ADRA1A: variants seen among roughly 807,000 people sequenced by gnomAD.
The protein encoded by ADRA1A is alpha-1A adrenergic receptor.
ADRA1A carries 31 observed loss-of-function variants against 29.6 expected under a neutral mutation model. The observed-to-expected ratio is 1.05, with a 90% CI of 0.79 to 1.41. ADRA1A has a LOEUF of 1.41. Ranked by LOEUF, ADRA1A falls within the 40% of genes most tolerant of loss-of-function variation. The pLI is 0.00. For missense variants in ADRA1A, 619 were observed against 601.1 expected, an observed-to-expected ratio of 1.03 and a Z score of -0.31; for synonymous variants, 311 against 254.3, an observed-to-expected ratio of 1.22 and a Z score of -2.12.
At chr8:26,755,199 T>G (rs1805102273), downstream of ADRA1A, among the ~76,000 whole-genome samples, 1 of 151,910 alleles carries the variant, frequency 6.6e-6, no homozygotes. Flanking sequence ...ACCTCCTTTT[T>G]TTTTTTTTCT....
chr8:26,840,008 T>C (rs1811701349), intron 2 of ADRA1A, among the ~76,000 whole-genome samples: 1 of 152,258 alleles, frequency 6.6e-6, no homozygotes, highest in Non-Finnish European at 1.5e-5. Context: ...AATTTCCATC[T>C]GGAATTCTGG....
rs757247820 is a variant in ADRA1A at position 26,867,137 on chromosome 8, T to C, written c.-888A>G. 2.1e-5 allele frequency: 21 copies of C among 985,272 alleles called. No individual in the cohort carries two copies. In the South Asian group the frequency reaches 4.2e-4, roughly 20 times the overall value. 61.0% of individuals were successfully genotyped at this position (985,272 alleles called of 1,614,324 possible). A position where few individuals can be genotyped will look rare whatever the true frequency, so the allele number is the denominator to read the frequency against. ...GCTCCTGAACCGCTGTCACTTTACCTGCATTTTTTAAAAAGAGTCAAAATA... is the reference window on the plus strand; with the variant it reads ...GCTCCTGAACCGCTGTCACTTTACCCGCATTTTTTAAAAAGAGTCAAAATA... On this transcript the variant is annotated 5_prime_UTR_variant, in exon 1 of 3. Coordinates refer to ENST00000380573, the MANE Select transcript of ADRA1A (RefSeq NM_000680.4).
Position 26,841,288 on chromosome 8 carries a change from C to T in ADRA1A, c.883+22799G>A, listed in dbSNP as rs745404063. Among the ~76,000 whole-genome samples, 2 of 152,122 alleles carry T rather than the reference C, an allele frequency of 1.3e-5. No individual in the cohort carries two copies. Among genetic ancestry groups the T allele is most frequent in the African/African-American group, 2.4e-5 (1 of 41,408 alleles). The stretch of plus-strand genomic sequence containing the variant: ...CGCTGACAGGTTGGCTTCAAGTGAC[C>T]GTTCCAATCTCAGAGGACCACAGTC... On this transcript the variant is annotated intron_variant, in intron 2 of 2. Coordinates refer to ENST00000380573, the MANE Select transcript of ADRA1A (RefSeq NM_000680.4). This position sits in a 1 kb window ranked among gnomAD's most constrained non-coding sequence, Gnocchi z 4.4.
intron 2 of ADRA1A, among the ~76,000 whole-genome samples, chr8:26,857,136 C>A (rs921851376): frequency 5.3e-5 from 8 of 152,118 alleles, no homozygotes; most frequent in African/African-American, 1.9e-4. Context: ...TCTTCAAAGG[C>A]CTCACAGTTT....
In ADRA1A at chr8:26,756,753, C is replaced by T. The variant is rs193252329; in HGVS notation, c.*6G>A. ...AAGGACAACAGTCGTGGACGGGAAG[C>T]TGGCTTCATGTCATGGGTGTGTGTC... is the stretch of plus-strand genomic sequence containing the variant. On this transcript the variant is annotated 3_prime_UTR_variant, in exon 3 of 3. Transcript: ENST00000380582. 3.1e-6 allele frequency: 5 copies of T among 1,614,168 alleles called. No individual in the cohort carries two copies. In the South Asian group the frequency reaches 5.5e-5, roughly 18 times the overall value.
rs1230650434 is a variant in ADRA1A at position 26,823,655 on chromosome 8, C to T, written c.883+40432G>A. ...AAGTGGCACCAGGAAGCCCACCTTC[C>T]TTTTTCCTATAAGACAGAGGATCAG... On this transcript the variant is annotated intron_variant, in intron 2 of 2. Transcript: ENST00000380573. The surrounding 1 kb of genome is among the most constrained non-coding windows in gnomAD (Gnocchi z 4.2). Among the ~76,000 whole-genome samples, 1 of 152,108 alleles carries T rather than the reference C, an allele frequency of 6.6e-6. No homozygotes were observed. The highest frequency in any genetic ancestry group is 2.4e-5 in the African/African-American group (1 of 41,416).
At chr8:26,803,504 C>T (rs73231555) in intron 2 of ADRA1A, among the ~76,000 whole-genome samples, 24,656 of 151,982 alleles carry the variant, frequency 0.16, 2,361 homozygotes, top group East Asian at 0.47. Context: ...CGAAAAATAC[C>T]TTTGTGATCC....
At chr8:26,757,974 A>G (rs767448396) in intron 2 of ADRA1A, among the ~76,000 whole-genome samples, 2 of 152,218 alleles carry the variant, frequency 1.3e-5, no homozygotes, top group African/African-American at 4.8e-5. Flanking sequence ...TAAGTAGCCA[A>G]TGTGAGGAAG....
chr8:26,829,163 C>T (rs1188669458), intron 2 of ADRA1A, among the ~76,000 whole-genome samples: 1 of 152,132 alleles, frequency 6.6e-6, no homozygotes, highest in Non-Finnish European at 1.5e-5. Flanking sequence ...GGCACTGAAC[C>T]TCCACTCACA....
intron 2 of ADRA1A, among the ~76,000 whole-genome samples, chr8:26,826,251 T>G (rs1237577869): frequency 2.6e-5 from 4 of 152,180 alleles, no homozygotes; most frequent in African/African-American, 9.6e-5. Flanking sequence ...TTCCAGTGGA[T>G]AGTTGGGTGT....
downstream of ADRA1A, chr8:26,766,180 G>C (rs1805772022): frequency 7.1e-7 from 1 of 1,400,700 alleles, no homozygotes; most frequent in South Asian, 1.2e-5. Flanking sequence ...TTGGAATACA[G>C]GTGAGTGAGA....
chr8:26,782,049 C>G (rs1807026236), intron 2 of ADRA1A, among the ~76,000 whole-genome samples: 1 of 152,242 alleles, frequency 6.6e-6, no homozygotes, highest in Non-Finnish European at 1.5e-5. Context: ...CACTGGCTCA[C>G]CCAGAGGCAT....
rs3808585 is a variant in ADRA1A, at chr8:26,866,809, C to T, written c.-687+127G>A. The T allele has an allele frequency of 0.29, 269,742 of 921,656 alleles. 40,430 individuals carry two copies. Among genetic ancestry groups the T allele is most frequent in the South Asian group, 0.5 (10,150 of 20,106 alleles). The allele number at this position is 921,656 out of a possible 1,614,324, so 57.1% of individuals were successfully genotyped here. ...GGGAATCGGGGGTGGGGTAGAGGGG[C>T]CGGTATAAAACCTGGTGGAAAAAGC... On this transcript the variant is annotated intron_variant, in intron 1 of 2. Coordinates refer to ENST00000380573, the MANE Select transcript of ADRA1A (RefSeq NM_000680.4). This position sits in a 1 kb window ranked among gnomAD's most constrained non-coding sequence, Gnocchi z 5.7.
At position 26,831,852 on chromosome 8, in the gene ADRA1A, C is replaced by T. The variant is rs1810996939; in HGVS notation, c.883+32235G>A. Among the ~76,000 whole-genome samples, 1 of 152,226 alleles carries T rather than the reference C, an allele frequency of 6.6e-6. No individual in the cohort carries two copies. Among genetic ancestry groups the T allele is most frequent in the Non-Finnish European group, 1.5e-5 (1 of 68,040 alleles). The stretch of plus-strand genomic sequence containing the variant: ...CTCTGGGGCTGTCAGCAGCCACCGC[C>T]CCTGCGCTGTGGGCTCCCTGCCCTG... On this transcript the variant is annotated intron_variant, in intron 2 of 2. Coordinates refer to ENST00000380573, the MANE Select transcript of ADRA1A (RefSeq NM_000680.4). The surrounding 1 kb of genome is among the most constrained non-coding windows in gnomAD (Gnocchi z 5.2).
rs2130271908 is a variant in ADRA1A at position 26,770,237 on chromosome 8, G to A, written c.1313C>T (p.Pro438Leu). 2 of 1,612,092 alleles carry A rather than the reference G, an allele frequency of 1.2e-6. No individual in the cohort carries two copies. The highest frequency in any genetic ancestry group is 2.2e-5 in the South Asian group (2 of 90,866). The change falls in exon 3 of 3, where the codon CCC becomes CTC. Residue 438 changes from proline (P) to leucine (L), a missense_variant. Physicochemically the swap from Pro to Leu is moderately conservative, Grantham distance 98. Transcript: ENST00000380573. ...SFLQVCCCVGPSTPSLDKNHQ... is the reference protein window; with the variant it reads ...SFLQVCCCVGLSTPSLDKNHQ... ...GTTCTTGTCAAGGCTGGGGGTTGAG[G>A]GCCCTACACAGCAGCAGACCTGCAA...
At chr8:26,861,940 G>A (rs1316128106) in intron 2 of ADRA1A, among the ~76,000 whole-genome samples, 1 of 151,414 alleles carries the variant, frequency 6.6e-6, no homozygotes, top group East Asian at 1.9e-4. Context: ...TTCTGCTCTT[G>A]CCCCCAAACA....
intron 2 of ADRA1A, chr8:26,859,042 T>G: frequency 8.0e-7 from 1 of 1,245,938 alleles, no homozygotes; most frequent in Non-Finnish European, 1.0e-6. Flanking sequence ...CTGATTTTCC[T>G]GGGTCAGTCC....
chr8:26,750,851 C>T (rs1240187027), intron 2 of ADRA1A, among the ~76,000 whole-genome samples: 1 of 152,168 alleles, frequency 6.6e-6, no homozygotes, highest in African/African-American at 2.4e-5. Flanking sequence ...GGGCAGATCA[C>T]CTGAGGTCGG....
intron 2 of ADRA1A, among the ~76,000 whole-genome samples, chr8:26,838,934 C>T (rs1470105778): frequency 2.0e-5 from 3 of 152,142 alleles, no homozygotes; most frequent in Non-Finnish European, 4.4e-5. Context: ...GCCACCTGAC[C>T]CTCACCATGT....
Sources: allele counts gnomAD v4.1 joint callset (sites outside exome capture counted in the v4.1 genomes callset), GRCh38; gene constraint gnomAD v4.1.1; non-coding constraint Gnocchi (gnomAD v3.1); transcripts MANE v1.5; gene names NCBI Gene and HGNC (gene_info 2026-07-23, HGNC 2026-07-21).